ZNF197: variants seen among roughly 807,000 people sequenced by gnomAD.
ZNF197 encodes the protein VHL-associated KRAB-A domain-containing protein.
ZNF197 carries 14 observed loss-of-function variants against 27.4 expected under a neutral mutation model. The ratio of observed to expected loss-of-function variants is 0.51; its 90% confidence interval spans 0.34 to 0.80. ZNF197 has a LOEUF of 0.80. ZNF197 is among the 30% of genes least tolerant of loss of function. The probability of loss-of-function intolerance (pLI) is 0.02; values close to 1 mark genes in which losing one functional copy is unlikely to be tolerated. For missense variants in ZNF197, 1,090 were observed against 1,222.6 expected, an observed-to-expected ratio of 0.89 and a Z score of 1.62; for synonymous variants, 415 against 420.0, an observed-to-expected ratio of 0.99 and a Z score of 0.15.
In ZNF197 at chr3:44,632,027, G is replaced by C. The variant is rs992232161; in HGVS notation, c.551-78G>C. On this transcript the variant is annotated intron_variant, in intron 3 of 5. Transcript: ENST00000344387. The stretch of plus-strand genomic sequence containing the variant: ...TGTATCATTCTTACTGCTACTCTTT[G>C]TGTTATTCCAGCTCTGCAAGTGGGG... 2.4e-6 allele frequency: 3 copies of C among 1,255,012 alleles called. No homozygotes were observed. The African/African-American group carries it at 4.4e-5, about 18-fold the overall frequency. The allele number at this position is 1,255,012 out of a possible 1,614,324, so 77.7% of individuals were successfully genotyped here. A position where few individuals can be genotyped will look rare whatever the true frequency, so the allele number is the denominator to read the frequency against.
Position 44,646,054 on chromosome 3 carries a change from C to G in ZNF197, c.*1834C>G, listed in dbSNP as rs1436431976. On this transcript the variant is annotated 3_prime_UTR_variant, in exon 6 of 6. Transcript: ENST00000344387. ...TGTTATTAATTCAACCCCACAGTTT[C>G]TTGGGGGCTGGTTCCTCATTAGAGT... 6 of 985,234 alleles carry G rather than the reference C, an allele frequency of 6.1e-6. No homozygotes were observed. Among genetic ancestry groups the G allele is most frequent in the Non-Finnish European group, 7.2e-6 (6 of 829,936 alleles). The allele number at this position is 985,234 out of a possible 1,614,324, so 61.0% of individuals were successfully genotyped here. A position where few individuals can be genotyped will look rare whatever the true frequency, so the allele number is the denominator to read the frequency against.
chr3:44,625,844 A>G (rs561541725), intron 1 of ZNF197, among the ~76,000 whole-genome samples: 4 of 152,080 alleles, frequency 2.6e-5, no homozygotes, highest in Admixed American at 6.5e-5. Flanking sequence ...GCAGCTTACC[A>G]GATTAAAGCT....
In ZNF197 at chr3:44,647,103, A is replaced by T. The variant is rs1702996439; in HGVS notation, c.*2883A>T. ...CATATCCAACAAGGGATTTGTATGTAAACTACATAAAGAACTTTCCAAATT... is the reference window on the plus strand; with the variant it reads ...CATATCCAACAAGGGATTTGTATGTTAACTACATAAAGAACTTTCCAAATT... On this transcript the variant is annotated 3_prime_UTR_variant, in exon 6 of 6. Transcript: ENST00000344387. 1 of 152,268 alleles carries T rather than the reference A, an allele frequency of 6.6e-6. No homozygotes were observed. The highest frequency in any genetic ancestry group is 6.5e-5 in the Admixed American group (1 of 15,282). The allele number at this position is 152,268 out of a possible 1,614,324, so 9.4% of individuals were successfully genotyped here. A position where few individuals can be genotyped will look rare whatever the true frequency, so the allele number is the denominator to read the frequency against.
At chr3:44,627,939 C>A (rs1324113599) in intron 1 of ZNF197, among the ~76,000 whole-genome samples, 1 of 152,002 alleles carries the variant, frequency 6.6e-6, no homozygotes, top group East Asian at 1.9e-4. Context: ...ATATTTCTGG[C>A]TCCCCTGTTT....
chr3:44,631,029 C>G, intron 2 of ZNF197, 33 bp from the exon 3 acceptor site: 1 of 1,613,294 alleles, frequency 6.2e-7, no homozygotes, highest in Non-Finnish European at 8.5e-7. Flanking sequence ...TCTTAAGAAA[C>G]AAGAAGAGCT....
chr3:44,637,328 G>A (rs569660123), intron 5 of ZNF197, among the ~76,000 whole-genome samples: 6 of 152,080 alleles, frequency 3.9e-5, no homozygotes, highest in East Asian at 1.9e-4. Flanking sequence ...GAGTCTTACC[G>A]TGTTGCCCAA....
Position 44,642,186 on chromosome 3 carries a change from T to G in ZNF197, c.1056T>G (p.Thr352=). 1 of 1,614,148 alleles carries G rather than the reference T, an allele frequency of 6.2e-7. No individual in the cohort carries two copies. The highest frequency in any genetic ancestry group is 2.2e-5 in the East Asian group (1 of 44,874). ...GGAAGGAATTAGGAGACAGCTTGAC[T>G]TTCGGTTCAGCTATTTCTGAAAGTT... The part of the protein sequence containing the change: ...QKWKELGDSL[T]FGSAISESLI... Residue 352 remains threonine (T), a synonymous_variant, in exon 6 of 6, where the codon ACT becomes ACG. Transcript: ENST00000344387.
intron 5 of ZNF197, among the ~76,000 whole-genome samples, chr3:44,639,918 G>T (rs995844181): frequency 6.6e-6 from 1 of 152,084 alleles, no homozygotes; most frequent in Non-Finnish European, 1.5e-5. Flanking sequence ...GACTCCACTG[G>T]TTATTTCTGC....
chr3:44,628,584 C>G (rs568810841), intron 1 of ZNF197, among the ~76,000 whole-genome samples: 42 of 152,160 alleles, frequency 2.8e-4, no homozygotes, highest in Non-Finnish European at 4.6e-4. Flanking sequence ...GGAAAGAGTA[C>G]TAGTTACAGA....
chr3:44,634,207 T>C (rs1209108225), intron 5 of ZNF197, among the ~76,000 whole-genome samples: 1 of 152,216 alleles, frequency 6.6e-6, no homozygotes, highest in Non-Finnish European at 1.5e-5. Context: ...TCATTATTAG[T>C]GTGATTGAAA....
At position 44,645,465 on chromosome 3, in the gene ZNF197, A is replaced by G. The variant is rs1702903503; in HGVS notation, c.*1245A>G. On this transcript the variant is annotated 3_prime_UTR_variant, in exon 6 of 6. Transcript: ENST00000344387. ...ATATCTGAGGGAGTTACTAGATTAT[A>G]TATCTAGTTTATGTATATGGAAAAA... 3.0e-6 allele frequency: 3 copies of G among 984,890 alleles called. No individual in the cohort carries two copies. The highest frequency in any genetic ancestry group is 6.1e-5 in the Admixed American group (1 of 16,268). The allele number at this position is 984,890 out of a possible 1,614,324, so 61.0% of individuals were successfully genotyped here. A position where few individuals can be genotyped will look rare whatever the true frequency, so the allele number is the denominator to read the frequency against.
At chr3:44,625,328 G>A (rs943638457) in intron 1 of ZNF197, among the ~76,000 whole-genome samples, 185 bp downstream of exon 1, 6 of 152,226 alleles carry the variant, frequency 3.9e-5, no homozygotes, top group African/African-American at 1.2e-4. Flanking sequence ...CAGCCGGCCC[G>A]AGGGAAGTAC....
chr3:44,639,292 G>T (rs1441103558), intron 5 of ZNF197, among the ~76,000 whole-genome samples: 1 of 151,930 alleles, frequency 6.6e-6, no homozygotes, highest in East Asian at 1.9e-4. Context: ...TCTTTTTTGT[G>T]ATGGTTATGT....
At position 44,645,468 on chromosome 3, in the gene ZNF197, T is replaced by C; in HGVS notation, c.*1248T>C. Reference sequence around the variant, plus strand: ...TCTGAGGGAGTTACTAGATTATATATCTAGTTTATGTATATGGAAAAAAAT... The same window carrying C: ...TCTGAGGGAGTTACTAGATTATATACCTAGTTTATGTATATGGAAAAAAAT... On this transcript the variant is annotated 3_prime_UTR_variant, in exon 6 of 6. Transcript: ENST00000344387. The C allele has an allele frequency of 1.0e-6, 1 of 985,266 alleles. No individual in the cohort carries two copies. The highest frequency in any genetic ancestry group is 1.2e-6 in the Non-Finnish European group (1 of 829,832). 61.0% of individuals were successfully genotyped at this position (985,266 alleles called of 1,614,324 possible).
Position 44,640,626 on chromosome 3 carries a change from C to T in ZNF197, c.770-1274C>T, listed in dbSNP as rs1008119567. ...GTCCTGACCTCAAGTGATCCGCCCTCCTCAGCCTCCCAGAGTGCTGGAATT... is the reference window on the plus strand; with the variant it reads ...GTCCTGACCTCAAGTGATCCGCCCTTCTCAGCCTCCCAGAGTGCTGGAATT... On this transcript the variant is annotated intron_variant, in intron 5 of 5. Transcript: ENST00000344387. The surrounding 1 kb of genome is among the most constrained non-coding windows in gnomAD (Gnocchi z 4.0). Among the ~76,000 whole-genome samples, 2 of 152,204 alleles carry T rather than the reference C, an allele frequency of 1.3e-5. No individual in the cohort carries two copies. Among genetic ancestry groups the T allele is most frequent in the African/African-American group, 2.4e-5 (1 of 41,464 alleles).
intron 1 of ZNF197, among the ~76,000 whole-genome samples, chr3:44,627,339 A>C (rs921891927): frequency 6.6e-6 from 1 of 152,210 alleles, no homozygotes; most frequent in Admixed American, 6.5e-5. Context: ...TCTCAAGAGC[A>C]GTAGTTAGAA....
In ZNF197 at chr3:44,642,383, G is replaced by A. The variant is rs200130371; in HGVS notation, c.1253G>A (p.Arg418Gln). ...CGTTCGAGCCTTCTAATGCATTTAC[G>A]GAACCATTCAGGGGAGAAACCTTAT... ...IQRSSLLMHL[R>Q]NHSGEKPYKC... Residue 418 changes from arginine (R) to glutamine (Q), a missense_variant, in exon 6 of 6, where the codon CGG becomes CAG. Arg to Gln is a conservative substitution (Grantham distance 43). Coordinates refer to ENST00000344387, the MANE Select transcript of ZNF197 (RefSeq NM_006991.5). 1.9e-5 allele frequency: 31 copies of A among 1,613,986 alleles called. 1 individual carries two copies. Among genetic ancestry groups the A allele is most frequent in the South Asian group, 1.3e-4 (12 of 91,080 alleles).
chr3:44,646,326 T>C lies in ZNF197; in HGVS notation c.*2106T>C, dbSNP rs949860284. On this transcript the variant is annotated 3_prime_UTR_variant, in exon 6 of 6. Coordinates refer to ENST00000344387, the MANE Select transcript of ZNF197 (RefSeq NM_006991.5). ...TTATATAATAATTACAAAGGACATA[T>C]GTACTTTAACAATGGAGAATGCTGT... The C allele has an allele frequency of 5.1e-5, 50 of 985,322 alleles. No homozygotes were observed. The highest frequency in any genetic ancestry group is 2.3e-4 in the East Asian group (2 of 8,834). 61.0% of individuals were successfully genotyped at this position (985,322 alleles called of 1,614,324 possible). A position where few individuals can be genotyped will look rare whatever the true frequency, so the allele number is the denominator to read the frequency against.
At position 44,625,087 on chromosome 3, in the gene ZNF197, A is replaced by C. The variant is rs891086440; in HGVS notation, c.-138A>C. On this transcript the variant is annotated 5_prime_UTR_variant, in exon 1 of 6. Transcript: ENST00000344387. ...AGGGCTCGTTCCTGTGTCATCTCCT[A>C]GCGGCCTGGCGCCGAGGCGGCGGTA... The C allele has an allele frequency of 6.6e-6, 1 of 152,054 alleles. No homozygotes were observed. Among genetic ancestry groups the C allele is most frequent in the African/African-American group, 2.4e-5 (1 of 41,422 alleles). 9.4% of individuals were successfully genotyped at this position (152,054 alleles called of 1,614,324 possible).
Sources: gnomAD v4.1 joint callset for allele counts (sites outside exome capture counted in the v4.1 genomes callset) on GRCh38, gnomAD v4.1.1 for gene constraint, Gnocchi (gnomAD v3.1) non-coding constraint, MANE v1.5 for transcripts, NCBI Gene and HGNC (gene_info 2026-07-23, HGNC 2026-07-21) for gene names.